Variants in DUOX1 observed in about 807,000 individuals in gnomAD.
DUOX1 encodes the protein NADPH thyroid oxidase 1.
A neutral mutation model predicts 181.8 loss-of-function variants in DUOX1; 134 were observed. That is an observed-to-expected ratio of 0.74 (90% CI 0.64 to 0.85). DUOX1 has a LOEUF of 0.85. Among genes scored for constraint, DUOX1 ranks in the 40% least tolerant of loss-of-function variants. The pLI is 0.00. For missense variants in DUOX1, 1,814 were observed against 2,064.4 expected (o/e 0.88, Z 2.35); for synonymous variants, 798 against 832.5 (o/e 0.96, Z 0.71).
At chr15:45,162,500 T>C (rs1897134920) in intron 31 of DUOX1, 123 bp downstream of exon 31, 4 of 1,337,474 alleles carry the variant, frequency 3.0e-6, no homozygotes, top group Non-Finnish European at 4.1e-6. Context: ...GCAAGTTGGT[T>C]TGAAACCTGG....
chr15:45,164,789 T>C lies in DUOX1; in HGVS notation c.4544T>C (p.Ile1515Thr). The change falls in exon 34 of 34, where the codon ATC becomes ACC. Residue 1515 changes from isoleucine to threonine, a missense_variant. Physicochemically the swap from Ile to Thr is moderately conservative, Grantham distance 89. Coordinates refer to ENST00000389037, the MANE Select transcript of DUOX1 (RefSeq NM_175940.3). ...LQEVHPQVRK[I>T]GVFSCGPPGM... is the part of the protein sequence containing the mutation. ...TTCCTCCTGCAACAGGTCCGGAAGA[T>C]CGGGGTGTTTAGCTGTGGCCCCCCT... 1 of 1,614,158 alleles carries C rather than the reference T, an allele frequency of 6.2e-7. No homozygotes were observed. The highest frequency in any genetic ancestry group is 8.5e-7 in the Non-Finnish European group (1 of 1,180,010).
Position 45,135,245 on chromosome 15 carries a change from G to T in DUOX1, c.449G>T (p.Arg150Leu). Residue 150 changes from arginine (R) to leucine (L), a missense_variant, in exon 5 of 34, where the codon CGC (arginine) becomes CTC (leucine). By Grantham distance (102) the Arg-to-Leu change is moderately radical (BLOSUM62 -2). Coordinates refer to ENST00000389037, the MANE Select transcript of DUOX1 (RefSeq NM_175940.3). ...GDVVLPFQRS[R>L]WDPETGRSPS... ...GTGGTGCTGCCCTTCCAGAGAAGCC[G>T]CTGGGACCCCGAGACCGGACGGAGT... The T allele has an allele frequency of 1.2e-6, 2 of 1,613,198 alleles. No homozygotes were observed. Among genetic ancestry groups the T allele is most frequent in the Non-Finnish European group, 1.7e-6 (2 of 1,179,892 alleles).
chr15:45,155,078 A>G (rs969328448), intron 27 of DUOX1, among the ~76,000 whole-genome samples: 8 of 152,196 alleles, frequency 5.3e-5, no homozygotes, highest in African/African-American at 1.9e-4. Flanking sequence ...TGTCATTTCC[A>G]TTGTTTGGCC....
At chr15:45,157,452 T>C (rs1896992380) in intron 28 of DUOX1, among the ~76,000 whole-genome samples, 1 of 152,066 alleles carries the variant, frequency 6.6e-6, no homozygotes, top group Admixed American at 6.6e-5. Context: ...CCCAGAGCCC[T>C]TTCTGATTTG....
Position 45,145,095 on chromosome 15 carries a change from C to A in DUOX1, c.2322+15C>A. ...TTTTCTCCCAGGTGTGTACATGGGA[C>A]CAGATCAATCCTTATGCTGTGGTGG... is the stretch of plus-strand genomic sequence containing the variant. On this transcript the variant is annotated intron_variant, in intron 18 of 33. Transcript: ENST00000389037. 2 of 1,569,918 alleles carry A rather than the reference C, an allele frequency of 1.3e-6. No individual in the cohort carries two copies. Among genetic ancestry groups the A allele is most frequent in the Non-Finnish European group, 8.6e-7 (1 of 1,158,566 alleles).
At chr15:45,135,037 G>A (rs1021993901) in intron 4 of DUOX1, 67 bp from the exon 5 acceptor site, 1 of 1,574,664 alleles carries the variant, frequency 6.4e-7, no homozygotes, top group African/African-American at 1.4e-5. Flanking sequence ...AAGGAAACTG[G>A]ATACCTAGGG....
At chr15:45,132,672 G>A (rs1896184011) in intron 2 of DUOX1, among the ~76,000 whole-genome samples, 2 of 152,120 alleles carry the variant, frequency 1.3e-5, no homozygotes, top group Admixed American at 1.3e-4. Flanking sequence ...CTGGCTGGAG[G>A]TGACAGGATG....
Position 45,163,569 on chromosome 15 carries a change from T to C in DUOX1, c.4286T>C (p.Phe1429Ser), listed in dbSNP as rs1245609425. ...FIWVTRTQRQFEWLADIIREV... is the reference protein window; with the variant it reads ...FIWVTRTQRQSEWLADIIREV... ...TGGGTGACGCGGACCCAGCGTCAGT[T>C]TGAGTGGCTGGCTGACATCATCCGA... Residue 1429 changes from phenylalanine (F) to serine (S), a missense_variant, in exon 32 of 34, where the codon TTT becomes TCT. Physicochemically the swap from Phe to Ser is radical, Grantham distance 155. This residue lies in a region of DUOX1 where 279 missense variants were observed against 381.9 expected (regional missense o/e 0.73). Transcript: ENST00000389037. 6.2e-7 allele frequency: 1 copy of C among 1,614,100 alleles called. No homozygotes were observed. Among genetic ancestry groups the C allele is most frequent in the Non-Finnish European group, 8.5e-7 (1 of 1,180,014 alleles).
Position 45,135,180 on chromosome 15 carries a change from G to C in DUOX1, c.384G>C (p.Pro128=). 1 of 1,613,538 alleles carries C rather than the reference G, an allele frequency of 6.2e-7. No individual in the cohort carries two copies. ...CCGAGTTCCTCAACATTCGCATCCC[G>C]CCCGGAGACCCCATGTTCGACCCCG... The part of the protein sequence containing the change: ...CPAEFLNIRI[P]PGDPMFDPDQ... Residue 128 remains proline, a synonymous_variant, in exon 5 of 34, where the codon CCG becomes CCC. Coordinates refer to ENST00000389037, the MANE Select transcript of DUOX1 (RefSeq NM_175940.3).
At position 45,161,837 on chromosome 15, in the gene DUOX1, A is replaced by T. The variant is rs772329112; in HGVS notation, c.3956A>T (p.His1319Leu). ...ACLALGTTEY[H>L]PFTLTSAPHE... is the part of the protein sequence containing the mutation. ...CTGGCTCTGGGGACCACCGAGTACC[A>T]CCCCTTCACACTGACCTCTGCGCCC... is the stretch of plus-strand genomic sequence containing the variant. The change falls in exon 30 of 34, where the codon CAC becomes CTC. Residue 1319 changes from histidine (H) to leucine (L), a missense_variant. By Grantham distance (99) the His-to-Leu change is moderately conservative. This residue lies in a region of DUOX1 where 279 missense variants were observed against 381.9 expected (regional missense o/e 0.73). Transcript: ENST00000389037. 1 of 1,613,792 alleles carries T rather than the reference A, an allele frequency of 6.2e-7. No individual in the cohort carries two copies. The highest frequency in any genetic ancestry group is 8.5e-7 in the Non-Finnish European group (1 of 1,179,934).
chr15:45,143,745 G>A (rs1248145635), intron 16 of DUOX1, among the ~76,000 whole-genome samples: 1 of 152,136 alleles, frequency 6.6e-6, no homozygotes, highest in Non-Finnish European at 1.5e-5. Flanking sequence ...CATAAAATAG[G>A]AATAATAATA....
rs549243852 is a variant in DUOX1, at chr15:45,134,146, C to T, written c.144C>T (p.Gly48=). Residue 48 remains glycine, a splice_region_variant and synonymous_variant, in exon 4 of 34, where the codon GGC becomes GGT. Transcript: ENST00000389037. ...NLMEHRWGSK[G]SRLQRLVPAS... is the part of the protein sequence containing the mutation. ...TTATCCTTACCCCTCCTACCCCAGG[C>T]TCCCGGCTGCAGCGCCTGGTCCCAG... The T allele has an allele frequency of 7.1e-6, 11 of 1,550,748 alleles. 1 individual carries two copies. In the East Asian group the frequency reaches 9.1e-5, roughly 13 times the overall value.
At chr15:45,162,120 T>A (rs1897119979) in intron 30 of DUOX1, 99 bp from the exon 31 acceptor site, 1 of 1,519,368 alleles carries the variant, frequency 6.6e-7, no homozygotes, top group Non-Finnish European at 9.0e-7. Context: ...CCTCTTCCCC[T>A]CACTCCATAT....
intron 28 of DUOX1, among the ~76,000 whole-genome samples, chr15:45,157,729 G>A (rs962171998): frequency 6.6e-6 from 1 of 151,180 alleles, no homozygotes; most frequent in African/African-American, 2.4e-5. Flanking sequence ...TGAGGCATGA[G>A]AATCGCTTGA....
intron 28 of DUOX1, among the ~76,000 whole-genome samples, chr15:45,158,267 A>T (rs965088238): frequency 6.6e-6 from 1 of 152,220 alleles, no homozygotes; most frequent in Non-Finnish European, 1.5e-5. Context: ...GGGCTCCACA[A>T]TGAAACAGTG....
intron 7 of DUOX1, 150 bp from the exon 8 acceptor site, chr15:45,136,200 A>G (rs759748613): frequency 4.0e-5 from 56 of 1,388,286 alleles, no homozygotes; most frequent in Non-Finnish European, 4.6e-5. Context: ...TTGTGGGGAC[A>G]GGCCTCACAC....
At chr15:45,159,939 G>A (rs1417349867) in intron 28 of DUOX1, among the ~76,000 whole-genome samples, 6 of 152,168 alleles carry the variant, frequency 3.9e-5, no homozygotes, top group African/African-American at 7.2e-5. Flanking sequence ...CAAATCATTC[G>A]AGGTCAGTTC....
chr15:45,162,257 G>A lies in DUOX1; in HGVS notation c.4128G>A (p.Glu1376=), dbSNP rs766812798. ...GACCATTTGGAGAGGGCCACCAGGAGTGGCATAAGTTTGAGGTGTCAGTGT... is the reference window on the plus strand; with the variant it reads ...GACCATTTGGAGAGGGCCACCAGGAATGGCATAAGTTTGAGGTGTCAGTGT... ...LDGPFGEGHQ[E]WHKFEVSVLV... Residue 1376 remains glutamate, a synonymous_variant, in exon 31 of 34, where the codon GAG becomes GAA. Transcript: ENST00000389037. The A allele has an allele frequency of 1.2e-6, 2 of 1,612,604 alleles. No homozygotes were observed. The highest frequency in any genetic ancestry group is 8.5e-7 in the Non-Finnish European group (1 of 1,179,168).
chr15:45,139,789 T>G, intron 12 of DUOX1, 190 bp downstream of exon 12: 1 of 705,982 alleles, frequency 1.4e-6, no homozygotes, highest in South Asian at 2.1e-5. Context: ...AGATTTGGCT[T>G]TGCACTCGGA....
Sources: gnomAD v4.1 joint callset for allele counts (sites outside exome capture counted in the v4.1 genomes callset) on GRCh38, gnomAD v4.1.1 for gene constraint, gnomAD v4.1.1 regional missense constraint, MANE v1.5 for transcripts, NCBI Gene and HGNC (gene_info 2026-07-23, HGNC 2026-07-21) for gene names.